The following SLC25A26 variants were observed in gnomAD, a reference collection of about 807,000 sequenced individuals.
SLC25A26 encodes mitochondrial S-adenosylmethionine carrier protein.
A neutral mutation model predicts 37.8 loss-of-function variants in SLC25A26; 36 were observed. The ratio of observed to expected loss-of-function variants is 0.95; its 90% confidence interval spans 0.73 to 1.26. The LOEUF (loss-of-function observed/expected upper bound fraction) is 1.26, where lower values mean the gene tolerates loss of function less well. Among genes scored for constraint, SLC25A26 ranks in the 50% most tolerant of loss-of-function variants. SLC25A26 has a pLI of 0.00. For synonymous variants in SLC25A26, 129 were observed against 122.5 expected (o/e 1.05, Z -0.35); for missense variants, 390 against 331.1 (o/e 1.18, Z -1.38).
At chr3:66,164,444 GT>G (rs951997201) in intron 1 of SLC25A26, among the ~76,000 whole-genome samples, 54 of 148,354 alleles carry the variant, frequency 3.6e-4, no homozygotes, top group East Asian at 9.8e-4. Flanking sequence ...TGATATATCA[GT>G]TTTTTTTTTA....
chr3:66,365,864 C>T (rs892861384), intron 7 of SLC25A26, among the ~76,000 whole-genome samples: 6 of 152,102 alleles, frequency 3.9e-5, no homozygotes, highest in Non-Finnish European at 5.9e-5. Flanking sequence ...TCAGGGGCAA[C>T]GTAGGGTCTG....
chr3:66,230,712 G>A (rs1162376678), intron 1 of SLC25A26, among the ~76,000 whole-genome samples: 1 of 151,344 alleles, frequency 6.6e-6, no homozygotes, highest in Admixed American at 6.6e-5. Flanking sequence ...GGCTGAGGCG[G>A]GAGAATCAAT....
At chr3:66,145,768 G>A (rs909209208) in intron 1 of SLC25A26, among the ~76,000 whole-genome samples, 4 of 151,906 alleles carry the variant, frequency 2.6e-5, no homozygotes, top group Non-Finnish European at 5.9e-5. Context: ...AAAGAAAATC[G>A]CTGAAAACTA....
At chr3:66,221,950 G>A (rs1333471992) in intron 1 of SLC25A26, among the ~76,000 whole-genome samples, 1 of 151,996 alleles carries the variant, frequency 6.6e-6, no homozygotes, top group East Asian at 1.9e-4. Flanking sequence ...TGTTGCAGGT[G>A]TTGAGGATAA....
At chr3:66,310,564 A>T (rs1393799823) in intron 5 of SLC25A26, among the ~76,000 whole-genome samples, 3 of 152,188 alleles carry the variant, frequency 2.0e-5, no homozygotes, top group Non-Finnish European at 4.4e-5. Context: ...TTTGCACATT[A>T]GTTGATGCAG....
chr3:66,188,453 G>A (rs1271870845), intron 1 of SLC25A26, among the ~76,000 whole-genome samples: 2 of 152,240 alleles, frequency 1.3e-5, no homozygotes, highest in African/African-American at 4.8e-5. Flanking sequence ...AGGGGAATGA[G>A]TGAGTTCTTG....
At chr3:66,369,184 T>C (rs1361526795) in intron 7 of SLC25A26, among the ~76,000 whole-genome samples, 1 of 152,224 alleles carries the variant, frequency 6.6e-6, no homozygotes, top group East Asian at 1.9e-4. Context: ...ACATTCATCA[T>C]GTATGTAAAC....
chr3:66,312,555 A>G (rs2075411857), intron 5 of SLC25A26, among the ~76,000 whole-genome samples: 1 of 151,926 alleles, frequency 6.6e-6, no homozygotes, highest in Admixed American at 6.6e-5. Context: ...ACAACAGAAA[A>G]AAAAAAACTC....
chr3:66,275,435 C>T (rs2107393655), intron 5 of SLC25A26, among the ~76,000 whole-genome samples: 1 of 152,018 alleles, frequency 6.6e-6, no homozygotes, highest in Non-Finnish European at 1.5e-5. Flanking sequence ...CTGCTGTCTT[C>T]CCTTCACTAG....
chr3:66,221,187 C>CGG (rs2071473499), intron 1 of SLC25A26, 60 bp downstream of exon 1: 1 of 1,473,498 alleles, frequency 6.8e-7, no homozygotes, highest in Non-Finnish European at 9.0e-7. Flanking sequence ...TTGGAGCCCG[C>CGG]GGGCGTTCTC....
chr3:66,245,864 G>A (rs2072812269), intron 3 of SLC25A26, among the ~76,000 whole-genome samples: 1 of 152,120 alleles, frequency 6.6e-6, no homozygotes, highest in South Asian at 2.1e-4. Context: ...GTACAATTCA[G>A]TGGTTTACAC....
rs549286272 is a variant in SLC25A26, at chr3:66,276,974, G to A, written c.453+13595G>A. Among the ~76,000 whole-genome samples, 105 of 147,438 alleles carry A rather than the reference G, an allele frequency of 7.1e-4. No homozygotes were observed. The Middle Eastern group carries it at 0.014, about 20-fold the overall frequency. On this transcript the variant is annotated intron_variant, in intron 5 of 9. Transcript: ENST00000354883. ...CACTGTTTGAAAAAAAAAAAAAAAG[G>A]TTCAAATTAGAAAATGTAAATTTAA... is the stretch of plus-strand genomic sequence containing the variant.
chr3:66,147,957 C>A (rs1389427220), intron 1 of SLC25A26, among the ~76,000 whole-genome samples: 3 of 152,006 alleles, frequency 2.0e-5, no homozygotes, highest in Non-Finnish European at 2.9e-5. Flanking sequence ...TGGGGTTTCA[C>A]CCTGTCGGCC....
rs1189455586 is a variant in SLC25A26 at position 66,378,741 on chromosome 3, G to A, written c.*934G>A. ...CCTATTTTTTTTTTCTTTTTTGGGGGAAGATAATTAAAGGCAGAATGACTG... is the reference window on the plus strand; with the variant it reads ...CCTATTTTTTTTTTCTTTTTTGGGGAAAGATAATTAAAGGCAGAATGACTG... On this transcript the variant is annotated 3_prime_UTR_variant, in exon 10 of 10. Transcript: ENST00000354883. 1 of 152,296 alleles carries A rather than the reference G, an allele frequency of 6.6e-6. No individual in the cohort carries two copies. Among genetic ancestry groups the A allele is most frequent in the Non-Finnish European group, 1.5e-5 (1 of 67,970 alleles). 9.4% of individuals were successfully genotyped at this position (152,296 alleles called of 1,614,324 possible). A position where few individuals can be genotyped will look rare whatever the true frequency, so the allele number is the denominator to read the frequency against.
At chr3:66,330,661 A>AT (rs11402140) in intron 5 of SLC25A26, among the ~76,000 whole-genome samples, 45,042 of 146,000 alleles carry the variant, frequency 0.31, 7,451 homozygotes, top group East Asian at 0.69. Flanking sequence ...GTGGGTAGGC[A>AT]TTTTTTTTTT....
intron 6 of SLC25A26, among the ~76,000 whole-genome samples, chr3:66,357,995 A>G (rs1575605909): frequency 6.6e-6 from 1 of 152,208 alleles, no homozygotes; most frequent in Non-Finnish European, 1.5e-5. Context: ...AATCTTTAGC[A>G]TAGTGCCTAG....
In SLC25A26 at chr3:66,263,392, C is replaced by A. The variant is rs762727887; in HGVS notation, c.453+13C>A. On this transcript the variant is annotated intron_variant, in intron 5 of 9. Transcript: ENST00000354883. Reference sequence around the variant, plus strand: ...AGTTTTAAGAGAGGTAAGTCACTTACTTTCCAATATTGAAGTACGAAAGAA... The same window carrying A: ...AGTTTTAAGAGAGGTAAGTCACTTAATTTCCAATATTGAAGTACGAAAGAA... 3 of 1,570,236 alleles carry A rather than the reference C, an allele frequency of 1.9e-6. No homozygotes were observed. Among genetic ancestry groups the A allele is most frequent in the African/African-American group, 1.4e-5 (1 of 74,068 alleles).
At chr3:66,275,278 A>G (rs2074100500) in intron 5 of SLC25A26, among the ~76,000 whole-genome samples, 1 of 150,768 alleles carries the variant, frequency 6.6e-6, no homozygotes, top group Admixed American at 6.6e-5. Context: ...GAGGGATAGC[A>G]TTAGGAGATA....
At chr3:66,204,697 GA>G (rs2071155281) in intron 1 of SLC25A26, among the ~76,000 whole-genome samples, 2 of 152,162 alleles carry the variant, frequency 1.3e-5, no homozygotes, top group Non-Finnish European at 2.9e-5. Flanking sequence ...GATTAGTTGA[GA>G]AATGACTTTG....
Sources: allele counts gnomAD v4.1 joint callset (sites outside exome capture counted in the v4.1 genomes callset), GRCh38; gene constraint gnomAD v4.1.1; transcripts MANE v1.5; gene names NCBI Gene and HGNC (gene_info 2026-07-23, HGNC 2026-07-21).